The following CCDC170 variants were observed in gnomAD, a reference collection of about 807,000 sequenced individuals.
The protein encoded by CCDC170 is coiled-coil domain containing 170, also known as coiled-coil domain-containing protein 170.
CCDC170 carries 69 observed loss-of-function variants against 72.6 expected under a neutral mutation model. The observed-to-expected ratio is 0.95, with a 90% confidence interval of 0.78 to 1.16. The LOEUF is 1.16. Among genes scored for constraint, CCDC170 ranks in the 50% most tolerant of loss-of-function variants. The pLI is 0.00. For synonymous variants in CCDC170, 300 were observed against 303.9 expected (o/e 0.99, Z 0.13); for missense variants, 852 against 832.5 (o/e 1.02, Z -0.29).
rs539142606 is a variant in CCDC170 at position 151,593,358 on chromosome 6, C to T, written c.1467+78C>T. 6.2e-5 allele frequency: 89 copies of T among 1,440,296 alleles called. No individual in the cohort carries two copies. The African/African-American group carries it at 1.2e-3, about 19-fold the overall frequency. 89.2% of individuals were successfully genotyped at this position (1,440,296 alleles called of 1,614,324 possible). Reference sequence around the variant, plus strand: ...CAAACATTGAAAAATAATGTACTGCCACCATGTTTACCAGTGTAGCTAGGA... The same window carrying T: ...CAAACATTGAAAAATAATGTACTGCTACCATGTTTACCAGTGTAGCTAGGA... On this transcript the variant is annotated intron_variant, in intron 8 of 10. Coordinates refer to ENST00000239374, the MANE Select transcript of CCDC170 (RefSeq NM_025059.4).
intron 8 of CCDC170, among the ~76,000 whole-genome samples, chr6:151,594,089 T>G (rs185712735): frequency 6.6e-6 from 1 of 152,328 alleles, no homozygotes; most frequent in African/African-American, 2.4e-5. Flanking sequence ...AATCAATGAA[T>G]GAATAGATGA....
intron 1 of CCDC170, among the ~76,000 whole-genome samples, chr6:151,507,434 T>A (rs1185717617): frequency 1.3e-5 from 2 of 152,196 alleles, no homozygotes; most frequent in African/African-American, 4.8e-5. Context: ...CATTGTAAGT[T>A]CAGGAGCATC....
chr6:151,555,746 G>A lies in CCDC170; in HGVS notation c.774+7257G>A, dbSNP rs187945218. 2.8e-4 allele frequency among the ~76,000 whole-genome samples: 43 copies of A among 152,278 alleles called. No homozygotes were observed. The East Asian group carries it at 4.2e-3, about 15-fold the overall frequency. ...AATTTCACTGAATAAATGAAAATCC[G>A]TTTTCTTATGGCCACCCTTCAAATG... On this transcript the variant is annotated intron_variant, in intron 5 of 10. Transcript: ENST00000239374.
intron 1 of CCDC170, among the ~76,000 whole-genome samples, chr6:151,505,892 T>G (rs1782060295): frequency 6.6e-6 from 1 of 151,772 alleles, no homozygotes; most frequent in African/African-American, 2.4e-5. Context: ...AAGCCAGGAG[T>G]TTAAGACCAG....
intron 4 of CCDC170, among the ~76,000 whole-genome samples, chr6:151,545,139 G>A (rs1386545584): frequency 6.6e-6 from 1 of 152,150 alleles, no homozygotes; most frequent in Non-Finnish European, 1.5e-5. Context: ...CCAAATAGTG[G>A]CTGGGCGCGG....
rs373079492 is a variant in CCDC170 at position 151,615,442 on chromosome 6, G to T, written c.1711-1G>T. Reference sequence around the variant, plus strand: ...TTATCAGCATTCTCTTGACTTTCTAGATTAAAACTTTGGAACAGACTAAAG... The same window carrying T: ...TTATCAGCATTCTCTTGACTTTCTATATTAAAACTTTGGAACAGACTAAAG... On this transcript the variant is annotated splice_acceptor_variant, in intron 9 of 10. Transcript: ENST00000239374. LOFTEE classifies it high-confidence loss of function. 8 of 1,605,126 alleles carry T rather than the reference G, an allele frequency of 5.0e-6. No individual in the cohort carries two copies. Among genetic ancestry groups the T allele is most frequent in the Admixed American group, 1.7e-5 (1 of 59,724 alleles).
rs747420346 is a variant in CCDC170, at chr6:151,593,307, T to A, written c.1467+27T>A. 21 of 1,596,982 alleles carry A rather than the reference T, an allele frequency of 1.3e-5. No individual in the cohort carries two copies. The South Asian group carries it at 2.2e-4, about 17-fold the overall frequency. ...TAGGAGATATTGAAACTTGCTAGTATTGAGAGAAGAAATTTCTGAAAAACC... is the reference window on the plus strand; with the variant it reads ...TAGGAGATATTGAAACTTGCTAGTAATGAGAGAAGAAATTTCTGAAAAACC... On this transcript the variant is annotated intron_variant, in intron 8 of 10. Transcript: ENST00000239374.
At chr6:151,532,331 G>A (rs1782501469) in intron 1 of CCDC170, among the ~76,000 whole-genome samples, 1 of 152,128 alleles carries the variant, frequency 6.6e-6, no homozygotes, top group Admixed American at 6.5e-5. Flanking sequence ...TCTTGGCTGG[G>A]CACAGTGGCT....
At chr6:151,613,774 T>C (rs1447174955) in intron 9 of CCDC170, among the ~76,000 whole-genome samples, 1 of 152,218 alleles carries the variant, frequency 6.6e-6, no homozygotes. Flanking sequence ...TACTTTTTGG[T>C]GATTACGAAT....
intron 6 of CCDC170, among the ~76,000 whole-genome samples, chr6:151,575,654 C>G (rs1379974879): frequency 6.7e-6 from 1 of 149,144 alleles, no homozygotes; most frequent in African/African-American, 2.5e-5. Context: ...CTCAGCCTAC[C>G]GAGTAGCTGG....
intron 5 of CCDC170, among the ~76,000 whole-genome samples, chr6:151,566,603 G>A (rs900194): frequency 0.92 from 139,592 of 152,296 alleles, 64,222 homozygotes; most frequent in East Asian, 0.99. Flanking sequence ...ATTAATTTTC[G>A]ATAATGAAAA....
chr6:151,617,047 A>G (rs1456349777), intron 10 of CCDC170, among the ~76,000 whole-genome samples: 1 of 152,222 alleles, frequency 6.6e-6, no homozygotes, highest in Non-Finnish European at 1.5e-5. Flanking sequence ...GTTGCAGAGC[A>G]AATGAGCCTG....
chr6:151,575,797 G>A (rs944994224), intron 6 of CCDC170, among the ~76,000 whole-genome samples: 1 of 151,806 alleles, frequency 6.6e-6, no homozygotes, highest in Non-Finnish European at 1.5e-5. Context: ...CAAAGTGCTG[G>A]GATTATAGGC....
rs911205614 is a variant in CCDC170, at chr6:151,602,869, C to A, written c.1710+6292C>A. ...AGGTTGGAGTGCAATGGCACAATCTCGGCTCACTGCAACCTCCACCTCCCA... is the reference window on the plus strand; with the variant it reads ...AGGTTGGAGTGCAATGGCACAATCTAGGCTCACTGCAACCTCCACCTCCCA... On this transcript the variant is annotated intron_variant, in intron 9 of 10. Coordinates refer to ENST00000239374, the MANE Select transcript of CCDC170 (RefSeq NM_025059.4). 2.0e-5 allele frequency among the ~76,000 whole-genome samples: 3 copies of A among 151,034 alleles called. No homozygotes were observed. In the East Asian group the frequency reaches 5.8e-4, roughly 29 times the overall value.
At chr6:151,616,160 C>A (rs563375772) in intron 10 of CCDC170, among the ~76,000 whole-genome samples, 2 of 152,180 alleles carry the variant, frequency 1.3e-5, no homozygotes, top group South Asian at 2.1e-4. Context: ...GAGCTCTTAA[C>A]GTTAACCAGG....
In CCDC170 at chr6:151,573,217, A is replaced by G. The variant is rs1438678785; in HGVS notation, c.818A>G (p.Glu273Gly). The change falls in exon 6 of 11, where the codon GAA (glutamate) becomes GGA (glycine). Residue 273 changes from glutamate to glycine, a missense_variant. Coordinates refer to ENST00000239374, the MANE Select transcript of CCDC170 (RefSeq NM_025059.4). ...AVEAKEALER[E>G]VKIFQERLLA... ...GAAGCAAAAGAAGCTCTTGAAAGGG[A>G]AGTTAAGATCTTCCAAGAAAGGCTG... The G allele has an allele frequency of 6.2e-7, 1 of 1,613,926 alleles. No homozygotes were observed. Among genetic ancestry groups the G allele is most frequent in the East Asian group, 2.2e-5 (1 of 44,866 alleles).
chr6:151,501,874 A>G (rs969238588), intron 1 of CCDC170, among the ~76,000 whole-genome samples: 2 of 152,192 alleles, frequency 1.3e-5, no homozygotes, highest in Admixed American at 1.3e-4. Context: ...AGGGAGTAAC[A>G]TTTGCTGAGC....
chr6:151,507,718 C>T (rs1399441959), intron 1 of CCDC170, among the ~76,000 whole-genome samples: 5 of 151,862 alleles, frequency 3.3e-5, no homozygotes, highest in African/African-American at 1.2e-4. Flanking sequence ...GTCAAGAGAT[C>T]GAGACCATCC....
At chr6:151,526,659 C>T (rs900731038) in intron 1 of CCDC170, among the ~76,000 whole-genome samples, 3 of 150,152 alleles carry the variant, frequency 2.0e-5, no homozygotes, top group Non-Finnish European at 3.0e-5. Flanking sequence ...GGGATTATGG[C>T]GTGAGTCACG....
Sources: allele counts gnomAD v4.1 joint callset (sites outside exome capture counted in the v4.1 genomes callset), GRCh38; gene constraint gnomAD v4.1.1; transcripts MANE v1.5; gene names NCBI Gene and HGNC (gene_info 2026-07-23, HGNC 2026-07-21).